Variants in PTPRH observed in about 807,000 individuals in gnomAD.
PTPRH encodes protein tyrosine phosphatase receptor type H.
A neutral mutation model predicts 130.2 loss-of-function variants in PTPRH; 113 were observed. The ratio of observed to expected loss-of-function variants is 0.87; its 90% CI spans 0.75 to 1.01. The LOEUF is 1.01. PTPRH is among the 50% of genes least tolerant of loss of function. The probability of loss-of-function intolerance (pLI) is 0.00; values close to 1 mark genes in which losing one functional copy is unlikely to be tolerated. For missense variants in PTPRH, 1,430 were observed against 1,425.0 expected (o/e 1.00, Z -0.06); for synonymous variants, 556 against 577.9 (o/e 0.96, Z 0.54).
rs778839064 is a variant in PTPRH at position 55,203,907 on chromosome 19, G to A, written c.761C>T (p.Thr254Ile). The A allele has an allele frequency of 1.9e-6, 3 of 1,614,192 alleles. No homozygotes were observed. Among genetic ancestry groups the A allele is most frequent in the Admixed American group, 3.3e-5 (2 of 60,012 alleles). ...QCTGDGGRTE[T>I]RNTTDTRVTV... ...GACTCTGGTGTCTGTTGTGTTTCGAGTCTCTGTTCTGCCACCATCTCCAGT... is the reference window on the plus strand; with the variant it reads ...GACTCTGGTGTCTGTTGTGTTTCGAATCTCTGTTCTGCCACCATCTCCAGT... The change falls in exon 5 of 20, where the codon ACT (threonine) becomes ATT (isoleucine). Residue 254 changes from threonine (T) to isoleucine (I), a missense_variant. Transcript: ENST00000376350.
At chr19:55,181,986 C>G (rs769498096) in intron 19 of PTPRH, 30 bp downstream of exon 19, 2 of 1,613,926 alleles carry the variant, frequency 1.2e-6, no homozygotes, top group East Asian at 4.5e-5. Context: ...CCACTGCCTC[C>G]CGTCCTGTGT....
chr19:55,198,449 T>C (rs1357450306), intron 8 of PTPRH, among the ~76,000 whole-genome samples, 194 bp downstream of exon 8: 3 of 151,996 alleles, frequency 2.0e-5, no homozygotes, highest in African/African-American at 7.2e-5. Context: ...AAAAAACAGG[T>C]CCCACAGCTT....
At chr19:55,196,108 G>A (rs1000711714) in intron 10 of PTPRH, among the ~76,000 whole-genome samples, 2 of 152,068 alleles carry the variant, frequency 1.3e-5, no homozygotes. Context: ...GTGAGTTGTG[G>A]ATGGCGCGGT....
At chr19:55,201,877 A>G (rs2086874127) in intron 6 of PTPRH, among the ~76,000 whole-genome samples, 179 bp downstream of exon 6, 1 of 152,210 alleles carries the variant, frequency 6.6e-6, no homozygotes. Context: ...TAGCAGCTGG[A>G]GGTACCATGG....
At position 55,202,315 on chromosome 19, in the gene PTPRH, G is replaced by A; in HGVS notation, c.894C>T (p.Asn298=). 1.9e-6 allele frequency: 3 copies of A among 1,614,078 alleles called. No individual in the cohort carries two copies. The African/African-American group carries it at 4.0e-5, about 22-fold the overall frequency. The change falls in exon 6 of 20, where the codon AAC becomes AAT. Residue 298 remains asparagine (N), a synonymous_variant. Transcript: ENST00000376350. ...VEIVTSATAP[N]PVRNLTVEAQ... ...CCTCCACTGTCAGGTTTCTCACTGG[G>A]TTGGGAGCTGAAAACCAGCACAGGA...
At chr19:55,185,774 G>A (rs1372510808) in intron 17 of PTPRH, 88 bp downstream of exon 17, 3 of 1,603,576 alleles carry the variant, frequency 1.9e-6, no homozygotes, top group Non-Finnish European at 2.6e-6. Flanking sequence ...AGGAGTGGGT[G>A]GAAGGTTGGA....
In PTPRH at chr19:55,188,211, T is replaced by C. The variant is rs760640608; in HGVS notation, c.2385-43A>G. ...GCAGGGAGAAAAGACCGTAACTTCTTTTAATCTTGCACTTTTGAGGGCTGG... is the reference window on the plus strand; with the variant it reads ...GCAGGGAGAAAAGACCGTAACTTCTCTTAATCTTGCACTTTTGAGGGCTGG... On this transcript the variant is annotated intron_variant, in intron 12 of 19. Coordinates refer to ENST00000376350, the MANE Select transcript of PTPRH (RefSeq NM_002842.5). 19 of 1,498,726 alleles carry C rather than the reference T, an allele frequency of 1.3e-5. No individual in the cohort carries two copies. In the African/African-American group the frequency reaches 2.2e-4, roughly 17 times the overall value. 92.8% of individuals were successfully genotyped at this position (1,498,726 alleles called of 1,614,324 possible). A position where few individuals can be genotyped will look rare whatever the true frequency, so the allele number is the denominator to read the frequency against.
intron 10 of PTPRH, among the ~76,000 whole-genome samples, chr19:55,194,916 G>A (rs949404991): frequency 3.9e-5 from 6 of 152,258 alleles, no homozygotes; most frequent in East Asian, 1.9e-4. Context: ...GGCCAGGTGC[G>A]GTGGCTCACA....
intron 4 of PTPRH, 107 bp downstream of exon 4, chr19:55,205,219 C>A: frequency 6.6e-7 from 1 of 1,526,312 alleles, no homozygotes; most frequent in Non-Finnish European, 8.9e-7. Flanking sequence ...ACATGAGTAC[C>A]TGGCTCAATG....
chr19:55,201,864 A>T (rs935395896), intron 6 of PTPRH, among the ~76,000 whole-genome samples, 192 bp downstream of exon 6: 4 of 152,216 alleles, frequency 2.6e-5, no homozygotes, highest in Admixed American at 2.6e-4. Flanking sequence ...ACTGGCCCCA[A>T]CTTAGCAGCT....
chr19:55,185,359 G>A lies in PTPRH; in HGVS notation c.3062+143C>T, dbSNP rs865839037. The A allele has an allele frequency of 9.4e-6, 8 of 854,706 alleles. No individual in the cohort carries two copies. The highest frequency in any genetic ancestry group is 5.2e-5 in the African/African-American group (3 of 58,088). 52.9% of individuals were successfully genotyped at this position (854,706 alleles called of 1,614,324 possible). A position where few individuals can be genotyped will look rare whatever the true frequency, so the allele number is the denominator to read the frequency against. On this transcript the variant is annotated intron_variant, in intron 18 of 19. Coordinates refer to ENST00000376350, the MANE Select transcript of PTPRH (RefSeq NM_002842.5). ...CCTTTCTTTTCTTAATCTGCTTCAC[G>A]CCCCCCTTTATCTTCCACATCCACC...
Position 55,200,499 on chromosome 19 carries a change from G to T in PTPRH, c.1157C>A (p.Pro386His). 6.2e-7 allele frequency: 1 copy of T among 1,613,890 alleles called. No individual in the cohort carries two copies. Among genetic ancestry groups the T allele is most frequent in the Non-Finnish European group, 8.5e-7 (1 of 1,179,874 alleles). The change falls in exon 7 of 20, where the codon CCC becomes CAC. Residue 386 changes from proline to histidine, a missense_variant. By Grantham distance (77) the Pro-to-His change is moderately conservative. Transcript: ENST00000376350. ...CATATGGAGGTTTCTCACTGGGTTG[G>T]GGGCTGAGAAAGTAGGAAGAAGATC... ...SRETRNATTA[P>H]NPVRNLHMET...
chr19:55,196,597 G>A lies in PTPRH; in HGVS notation c.2182C>T (p.Pro728Ser), dbSNP rs2086686982. The A allele has an allele frequency of 1.2e-6, 2 of 1,613,454 alleles. No individual in the cohort carries two copies. The highest frequency in any genetic ancestry group is 1.7e-6 in the Non-Finnish European group (2 of 1,179,906). The change falls in exon 10 of 20, where the codon CCA (proline) becomes TCA (serine). Residue 728 changes from proline to serine, a missense_variant. Physicochemically the swap from Pro to Ser is moderately conservative, Grantham distance 74 (BLOSUM62 -1). Transcript: ENST00000376350. ...TCCCAGATGGTCGTGATGGTGGCTG[G>A]GTAGGACCGAGCCGGCCCGAGACCC... The part of the protein sequence containing the change: ...VLGLGPARSY[P>S]ATITTIWDGM...
Position 55,209,416 on chromosome 19 carries a change from C to T in PTPRH, c.18G>A (p.Gly6=). The T allele has an allele frequency of 3.8e-6, 6 of 1,558,786 alleles. No individual in the cohort carries two copies. The highest frequency in any genetic ancestry group is 4.3e-6 in the Non-Finnish European group (5 of 1,150,584). The part of the protein sequence containing the change: MAGAG[G]GLGVWGNLVL... ...CCAGGTTCCCCCAGACCCCGAGGCC[C>T]CCGCCAGCCCCAGCCATGCCTCCAG... is the stretch of plus-strand genomic sequence containing the variant. Residue 6 remains glycine (G), a synonymous_variant, in exon 1 of 20, where the codon GGG becomes GGA. Coordinates refer to ENST00000376350, the MANE Select transcript of PTPRH (RefSeq NM_002842.5). This position sits in a 1 kb window ranked among gnomAD's most constrained non-coding sequence, Gnocchi z 4.1.
chr19:55,203,809 A>C lies in PTPRH; in HGVS notation c.859T>G (p.Ser287Ala). 6.2e-7 allele frequency: 1 copy of C among 1,612,536 alleles called. No individual in the cohort carries two copies. The highest frequency in any genetic ancestry group is 8.5e-7 in the Non-Finnish European group (1 of 1,178,646). The change falls in exon 5 of 20, where the codon TCT becomes GCT. Residue 287 changes from serine to alanine, a missense_variant. Physicochemically the swap from Ser to Ala is moderately conservative, Grantham distance 99 (BLOSUM62 1). Coordinates refer to ENST00000376350, the MANE Select transcript of PTPRH (RefSeq NM_002842.5). ...VWVEKDGVNS[S>A]VEIVTSATAP... ...GTGGCACTAGTGACAATCTCCACAGAGCTATTTACTCCGTCTTTCTCCACC... is the reference window on the plus strand; with the variant it reads ...GTGGCACTAGTGACAATCTCCACAGCGCTATTTACTCCGTCTTTCTCCACC...
chr19:55,197,485 TC>T, intron 8 of PTPRH, 69 bp from the exon 9 acceptor site: 1 of 1,419,174 alleles, frequency 7.0e-7, no homozygotes, highest in South Asian at 1.3e-5. Context: ...TGTCTGCCTC[TC>T]CCCCACAGCA....
chr19:55,197,079 C>A (rs756719627), intron 9 of PTPRH, 38 bp downstream of exon 9: 3 of 1,605,960 alleles, frequency 1.9e-6, no homozygotes, highest in Non-Finnish European at 2.6e-6. Flanking sequence ...GTGAGCTAAG[C>A]CCAGTTCACC....
intron 9 of PTPRH, 51 bp from the exon 10 acceptor site, chr19:55,196,839 C>T (rs1302149355): frequency 6.4e-7 from 1 of 1,572,446 alleles, no homozygotes; most frequent in East Asian, 2.3e-5. Context: ...TGGCTTTCCA[C>T]CCCCTCCACC....
rs573270730 is a variant in PTPRH at position 55,191,899 on chromosome 19, T to A, written c.2258-158A>T. On this transcript the variant is annotated intron_variant, in intron 10 of 19. Transcript: ENST00000376350. ...TGAATTGCGTCGGTCCAGTTATACT[T>A]ACGCGCTTACCCATGGATTTTCCTC... 1.6e-4 allele frequency: 115 copies of A among 724,764 alleles called. No homozygotes were observed. In the African/African-American group the frequency reaches 1.9e-3, roughly 12 times the overall value. 44.9% of individuals were successfully genotyped at this position (724,764 alleles called of 1,614,324 possible). A position where few individuals can be genotyped will look rare whatever the true frequency, so the allele number is the denominator to read the frequency against.
Sources: gnomAD v4.1 joint callset for allele counts (sites outside exome capture counted in the v4.1 genomes callset) on GRCh38, gnomAD v4.1.1 for gene constraint, Gnocchi (gnomAD v3.1) non-coding constraint, MANE v1.5 for transcripts, NCBI Gene and HGNC (gene_info 2026-07-23, HGNC 2026-07-21) for gene names.